The following INPP4A variants were observed in gnomAD, a reference collection of about 807,000 sequenced individuals.
The protein encoded by INPP4A is inositol polyphosphate-4-phosphatase, type I, 107kD.
A neutral mutation model predicts 119.8 loss-of-function variants in INPP4A; 33 were observed. The observed-to-expected ratio is 0.28, with a 90% CI of 0.21 to 0.37. The LOEUF is 0.37. Ranked by LOEUF, INPP4A falls within the 10% of genes least tolerant of loss-of-function variation. The pLI is 1.00. For synonymous variants in INPP4A, 496 were observed against 500.7 expected (o/e 0.99, Z 0.12); for missense variants, 956 against 1,289.9 (o/e 0.74, Z 3.97).
At position 98,555,707 on chromosome 2, in the gene INPP4A, A is replaced by G; in HGVS notation, c.1721A>G (p.His574Arg). ...AGCAAGAAAGGTAACCCGGACAGCCACGCCTACTGGATCAGACCAGAAGAC... is the reference window on the plus strand; with the variant it reads ...AGCAAGAAAGGTAACCCGGACAGCCGCGCCTACTGGATCAGACCAGAAGAC... ...CTSKKGNPDS[H>R]AYWIRPEDPF... The change falls in exon 16 of 25, where the codon CAC (histidine) becomes CGC (arginine). Residue 574 changes from histidine to arginine, a missense_variant. Physicochemically the swap from His to Arg is conservative, Grantham distance 29. Coordinates refer to ENST00000409851, the MANE Select transcript of INPP4A (RefSeq NM_001134225.2). The G allele has an allele frequency of 6.2e-7, 1 of 1,612,966 alleles. No homozygotes were observed.
intron 1 of INPP4A, among the ~76,000 whole-genome samples, chr2:98,452,020 C>T (rs1695317850): frequency 6.6e-6 from 1 of 152,190 alleles, no homozygotes; most frequent in Non-Finnish European, 1.5e-5. Context: ...GCTCCTCTGT[C>T]CAGCCATCAC....
chr2:98,537,886 G>T lies in INPP4A; in HGVS notation c.491G>T (p.Gly164Val). Residue 164 changes from glycine (G) to valine (V), a missense_variant, in exon 8 of 25, where the codon GGT (glycine) becomes GTT (valine). By Grantham distance (109) the Gly-to-Val change is moderately radical (BLOSUM62 -3). Coordinates refer to ENST00000409851, the MANE Select transcript of INPP4A (RefSeq NM_001134225.2). ...TLRSAESDRV[G>V]NITVIGWQME... ...AGGTCTGCAGAGAGTGACCGTGTAG[G>T]TAACATCACCGTGATTGGCTGGCAG... The T allele has an allele frequency of 1.2e-6, 2 of 1,612,622 alleles. No homozygotes were observed. The highest frequency in any genetic ancestry group is 1.7e-6 in the Non-Finnish European group (2 of 1,179,258).
chr2:98,546,607 C>G lies in INPP4A; in HGVS notation c.1076C>G (p.Thr359Ser). ...TCAGATCAGAACTACGACATCGTCA[C>G]CATTGGGGCGCCAGCAGCACACTGC... ...GGSDQNYDIV[T>S]IGAPAAHCQG... Residue 359 changes from threonine to serine, a missense_variant, in exon 13 of 25, where the codon ACC becomes AGC. Transcript: ENST00000409851. The surrounding 1 kb of genome is among the most constrained non-coding windows in gnomAD (Gnocchi z 4.2). 6.2e-7 allele frequency: 1 copy of G among 1,613,650 alleles called. No homozygotes were observed. Among genetic ancestry groups the G allele is most frequent in the Non-Finnish European group, 8.5e-7 (1 of 1,179,582 alleles).
chr2:98,491,598 A>G (rs1202197734), intron 1 of INPP4A, among the ~76,000 whole-genome samples: 1 of 152,218 alleles, frequency 6.6e-6, no homozygotes, highest in African/African-American at 2.4e-5. Context: ...GCGTTTAATA[A>G]GATCTGCAGT....
Position 98,566,861 on chromosome 2 carries a change from GT to G in INPP4A, c.2420+693del, listed in dbSNP as rs1376663603. ...AGTACATGAGAATGATTCCTGTGTT[GT>G]CATTTATCTTCATGTGATATGTGTA... On this transcript the variant is annotated intron_variant, in intron 21 of 24. Coordinates refer to ENST00000409851, the MANE Select transcript of INPP4A (RefSeq NM_001134225.2). This position sits in a 1 kb window ranked among gnomAD's most constrained non-coding sequence, Gnocchi z 4.2. 1.3e-5 allele frequency among the ~76,000 whole-genome samples: 2 copies of G among 152,170 alleles called. No individual in the cohort carries two copies. Among genetic ancestry groups the G allele is most frequent in the Non-Finnish European group, 2.9e-5 (2 of 68,024 alleles).
intron 16 of INPP4A, among the ~76,000 whole-genome samples, chr2:98,557,177 C>G (rs1463108249): frequency 3.3e-5 from 5 of 152,040 alleles, no homozygotes; most frequent in Non-Finnish European, 5.9e-5. Context: ...AATATAGATA[C>G]ATTTTTATTC....
intron 1 of INPP4A, among the ~76,000 whole-genome samples, chr2:98,454,985 G>C (rs1445965981): frequency 6.6e-6 from 1 of 152,150 alleles, no homozygotes; most frequent in Non-Finnish European, 1.5e-5. Context: ...ATACTCAAAT[G>C]GCAATACAGT....
chr2:98,522,988 T>C (rs1687500990), intron 4 of INPP4A, among the ~76,000 whole-genome samples: 1 of 152,200 alleles, frequency 6.6e-6, no homozygotes, highest in African/African-American at 2.4e-5. Context: ...CCCTGCATTC[T>C]TTCTCCGGAA....
At chr2:98,498,343 C>T (rs1053102455) in intron 1 of INPP4A, among the ~76,000 whole-genome samples, 1 of 152,036 alleles carries the variant, frequency 6.6e-6, no homozygotes, top group African/African-American at 2.4e-5. Flanking sequence ...GGCTCTCATT[C>T]TCTCTTGCTT....
chr2:98,504,167 C>T (rs1156828887), intron 1 of INPP4A, among the ~76,000 whole-genome samples: 2 of 152,214 alleles, frequency 1.3e-5, no homozygotes, highest in South Asian at 2.1e-4. Flanking sequence ...TCACCAAACA[C>T]GGAACGCTGA....
chr2:98,545,955 A>G lies in INPP4A; in HGVS notation c.950-14A>G, dbSNP rs939613374. 15 of 1,532,750 alleles carry G rather than the reference A, an allele frequency of 9.8e-6. No individual in the cohort carries two copies. The highest frequency in any genetic ancestry group is 2.3e-5 in the East Asian group (1 of 43,012). The allele number at this position is 1,532,750 out of a possible 1,614,324, so 94.9% of individuals were successfully genotyped here. On this transcript the variant is annotated splice_polypyrimidine_tract_variant and intron_variant, in intron 11 of 24. Transcript: ENST00000409851. ...ATGCTGATGGCCTTTATCTTCTCCT[A>G]TTCCATTTCTTAGGGCCCTCGTTTA...
chr2:98,584,654 GTTCT>G (rs1699749118), intron 24 of INPP4A, among the ~76,000 whole-genome samples: 1 of 152,262 alleles, frequency 6.6e-6, no homozygotes, highest in African/African-American at 2.4e-5. Context: ...GCGAGATAAG[GTTCT>G]TTGTTTCTCT....
At chr2:98,545,825 T>A (rs1204282284) in intron 11 of INPP4A, 144 bp from the exon 12 acceptor site, 12 of 586,636 alleles carry the variant, frequency 2.0e-5, no homozygotes, top group Non-Finnish European at 3.2e-5. Context: ...TGAAATGTGC[T>A]CATGGCAACT....
chr2:98,486,909 C>T lies in INPP4A; in HGVS notation c.-165-32055C>T, dbSNP rs541917148. ...CAGCCCACAAATGTGCAGTGATTGG[C>T]GCCTACAGAGGCCAGGGATAGCTAA... On this transcript the variant is annotated intron_variant, in intron 1 of 24. Transcript: ENST00000409851. 4.4e-4 allele frequency among the ~76,000 whole-genome samples: 67 copies of T among 152,254 alleles called. 2 individuals are homozygous for T. In the South Asian group the frequency reaches 0.013, roughly 30 times the overall value.
intron 21 of INPP4A, among the ~76,000 whole-genome samples, chr2:98,567,135 GGGA>G (rs1696609147): frequency 6.6e-6 from 1 of 152,290 alleles, no homozygotes; most frequent in East Asian, 1.9e-4. Context: ...GGCACGTGCC[GGGA>G]GGAGATGAAG....
At chr2:98,564,497 T>C in intron 18 of INPP4A, 143 bp from the exon 19 acceptor site, 1 of 1,001,924 alleles carries the variant, frequency 1.0e-6, no homozygotes, top group Non-Finnish European at 1.5e-6. Flanking sequence ...CCACCTGGGC[T>C]TCTCAAGGGA....
chr2:98,530,549 G>A (rs1689033013), intron 4 of INPP4A, among the ~76,000 whole-genome samples: 1 of 152,186 alleles, frequency 6.6e-6, no homozygotes, highest in Admixed American at 6.5e-5. Context: ...GGTTCATTAA[G>A]TTTCTGAAAG....
intron 8 of INPP4A, 127 bp downstream of exon 8, chr2:98,538,101 C>G: frequency 1.6e-6 from 1 of 643,908 alleles, no homozygotes; most frequent in Non-Finnish European, 2.8e-6. Context: ...ATGCTGCTCC[C>G]CACGGACACT....
At chr2:98,493,426 A>ATTTTTT (rs371958433) in intron 1 of INPP4A, among the ~76,000 whole-genome samples, 5 of 123,112 alleles carry the variant, frequency 4.1e-5, no homozygotes, top group South Asian at 2.6e-4. Flanking sequence ...TTCTATTTCT[A>ATTTTTT]TTTTTTTTTT....
Sources: gnomAD v4.1 joint callset for allele counts (sites outside exome capture counted in the v4.1 genomes callset) on GRCh38, gnomAD v4.1.1 for gene constraint, Gnocchi (gnomAD v3.1) non-coding constraint, MANE v1.5 for transcripts, NCBI Gene and HGNC (gene_info 2026-07-23, HGNC 2026-07-21) for gene names.